Variants in NLGN1 observed in about 807,000 individuals in gnomAD.
NLGN1 encodes the protein neuroligin-1.
Under a neutral mutation model 65.5 loss-of-function variants are expected in NLGN1, and 12 were observed. That is an observed-to-expected ratio of 0.18 (90% confidence interval 0.12 to 0.30). The LOEUF (loss-of-function observed/expected upper bound fraction) is 0.30. NLGN1 is among the 10% of genes least tolerant of loss of function. NLGN1 has a pLI of 1.00. For synonymous variants in NLGN1, 350 were observed against 359.5 expected, an observed-to-expected ratio of 0.97 and a Z score of 0.30; for missense variants, 750 against 1,007.1, an observed-to-expected ratio of 0.74 and a Z score of 3.46.
chr3:173,525,277 T>C (rs1372514232), intron 2 of NLGN1, among the ~76,000 whole-genome samples: 1 of 152,066 alleles, frequency 6.6e-6, no homozygotes, highest in Non-Finnish European at 1.5e-5. Flanking sequence ...GATGTTTTAT[T>C]ACTGATTTGA....
chr3:173,442,537 TA>T (rs1719401351), intron 2 of NLGN1, among the ~76,000 whole-genome samples: 1 of 152,200 alleles, frequency 6.6e-6, no homozygotes, highest in African/African-American at 2.4e-5. Flanking sequence ...TTTGTTAGCA[TA>T]TAAATGACTG....
chr3:173,434,469 T>C (rs541237935), intron 1 of NLGN1, among the ~76,000 whole-genome samples: 1 of 152,318 alleles, frequency 6.6e-6, no homozygotes, highest in South Asian at 2.1e-4. Flanking sequence ...TGAATAAATG[T>C]TTCAAGTAGT....
intron 2 of NLGN1, among the ~76,000 whole-genome samples, chr3:173,478,556 A>G (rs1232888220): frequency 6.6e-6 from 1 of 152,216 alleles, no homozygotes; most frequent in Non-Finnish European, 1.5e-5. Context: ...ACTTAAAAAT[A>G]AAAATTAAAA....
chr3:174,104,560 C>T (rs924784239), intron 4 of NLGN1, among the ~76,000 whole-genome samples: 3 of 151,842 alleles, frequency 2.0e-5, no homozygotes, highest in Admixed American at 6.6e-5. Flanking sequence ...AAGTTAGACA[C>T]GTAGGAACAT....
chr3:174,092,992 A>T (rs1449234916), intron 4 of NLGN1, among the ~76,000 whole-genome samples: 1 of 152,186 alleles, frequency 6.6e-6, no homozygotes, highest in African/African-American at 2.4e-5. Flanking sequence ...GCTCATTGTC[A>T]TTCCCTTGAG....
chr3:174,078,409 G>GTC (rs1741458717), intron 4 of NLGN1, among the ~76,000 whole-genome samples: 1 of 152,128 alleles, frequency 6.6e-6, no homozygotes, highest in African/African-American at 2.4e-5. Context: ...AGGGTTCTAG[G>GTC]CAGAAATTTA....
chr3:174,025,990 A>G (rs1300243198), intron 4 of NLGN1, among the ~76,000 whole-genome samples: 1 of 152,186 alleles, frequency 6.6e-6, no homozygotes, highest in African/African-American at 2.4e-5. Context: ...TTTGTCAGAT[A>G]TAGTTATTTA....
At chr3:173,531,049 T>C (rs1736481817) in intron 2 of NLGN1, among the ~76,000 whole-genome samples, 1 of 152,180 alleles carries the variant, frequency 6.6e-6, no homozygotes, top group South Asian at 2.1e-4. Flanking sequence ...TACTCTGCTC[T>C]TCATTTTTAG....
intron 4 of NLGN1, among the ~76,000 whole-genome samples, chr3:173,936,101 A>G (rs1415106197): frequency 6.6e-6 from 1 of 151,722 alleles, no homozygotes; most frequent in East Asian, 1.9e-4. Context: ...GGATTTGCAC[A>G]TTAAGTCTTT....
intron 3 of NLGN1, among the ~76,000 whole-genome samples, chr3:173,748,341 G>C (rs1333476254): frequency 6.6e-6 from 1 of 152,042 alleles, no homozygotes; most frequent in Non-Finnish European, 1.5e-5. Context: ...ACACATAGGG[G>C]CAGAGGAAGT....
chr3:174,059,572 C>T lies in NLGN1; in HGVS notation c.647-215743C>T, dbSNP rs553968245. ...GCCTTTTGTTCTTTAAGCCTATAGACATTTTTCACTGATATGGAGACTTTT... is the reference window on the plus strand; with the variant it reads ...GCCTTTTGTTCTTTAAGCCTATAGATATTTTTCACTGATATGGAGACTTTT... On this transcript the variant is annotated intron_variant, in intron 4 of 6. Coordinates refer to ENST00000457714, the Ensembl canonical transcript of NLGN1. Among the ~76,000 whole-genome samples the T allele has an allele frequency of 5.9e-5, 9 of 152,176 alleles. No individual in the cohort carries two copies. In the South Asian group the frequency reaches 6.2e-4, roughly 11 times the overall value.
At chr3:173,454,157 G>A (rs1420145979) in intron 2 of NLGN1, among the ~76,000 whole-genome samples, 1 of 152,186 alleles carries the variant, frequency 6.6e-6, no homozygotes, top group African/African-American at 2.4e-5. Context: ...TGAACAGCAG[G>A]TCTTAACAGT....
At chr3:173,539,731 T>TATAAC (rs1438184975) in intron 2 of NLGN1, among the ~76,000 whole-genome samples, 21 of 130,042 alleles carry the variant, frequency 1.6e-4, no homozygotes, top group African/African-American at 6.6e-4. Flanking sequence ...TATGCACATA[T>TATAAC]ATACATATAT....
chr3:174,089,223 A>G (rs1279174420), intron 4 of NLGN1, among the ~76,000 whole-genome samples: 1 of 152,248 alleles, frequency 6.6e-6, no homozygotes, highest in Non-Finnish European at 1.5e-5. Context: ...ACTTCAGAGC[A>G]TAATAGAAGA....
At chr3:173,485,109 C>G (rs1415965029) in intron 2 of NLGN1, among the ~76,000 whole-genome samples, 1 of 116,944 alleles carries the variant, frequency 8.6e-6, no homozygotes, top group African/African-American at 3.6e-5. Flanking sequence ...ACTTGGATGG[C>G]AGCAGGCAAA....
At chr3:174,123,543 A>T (rs1445325919) in intron 4 of NLGN1, among the ~76,000 whole-genome samples, 1 of 151,874 alleles carries the variant, frequency 6.6e-6, no homozygotes, top group Non-Finnish European at 1.5e-5. Flanking sequence ...ATAAATACAT[A>T]TTTTTTTCTT....
At chr3:173,405,125 T>C (rs1341758374) in intron 1 of NLGN1, among the ~76,000 whole-genome samples, 1 of 152,120 alleles carries the variant, frequency 6.6e-6, no homozygotes, top group African/African-American at 2.4e-5. Context: ...AGCCATGTTT[T>C]TCCACAGAAA....
chr3:174,197,751 C>CATGTGTGTGTGTGT (rs1553960614), intron 4 of NLGN1, among the ~76,000 whole-genome samples: 2 of 141,642 alleles, frequency 1.4e-5, no homozygotes, highest in African/African-American at 5.2e-5. Flanking sequence ...CCCATTATCT[C>CATGTGTGTGTGTGT]GTGTGTGTGT....
chr3:174,122,261 G>A (rs982092895), intron 4 of NLGN1, among the ~76,000 whole-genome samples: 7 of 152,144 alleles, frequency 4.6e-5, no homozygotes, highest in African/African-American at 1.7e-4. Context: ...CCGTATAGCA[G>A]ATAACCTCTT....
Sources: allele counts gnomAD v4.1 joint callset (sites outside exome capture counted in the v4.1 genomes callset), GRCh38; gene constraint gnomAD v4.1.1; transcripts MANE v1.5; gene names NCBI Gene and HGNC (gene_info 2026-07-23, HGNC 2026-07-21).